The following SH3GLB2 variants were observed in gnomAD, a reference collection of about 807,000 sequenced individuals.
The protein encoded by SH3GLB2 is endophilin-B2.
Under a neutral mutation model 48.0 loss-of-function variants are expected in SH3GLB2, and 24 were observed. That is an observed-to-expected ratio of 0.50 (90% CI 0.36 to 0.70). The LOEUF (loss-of-function observed/expected upper bound fraction) is 0.70. SH3GLB2 is among the 30% of genes least tolerant of loss of function. SH3GLB2 has a pLI of 0.00. For synonymous variants in SH3GLB2, 227 were observed against 207.6 expected (o/e 1.09, Z -0.80); for missense variants, 425 against 516.0 (o/e 0.82, Z 1.71).
In SH3GLB2 at chr9:129,013,743, C is replaced by T; in HGVS notation, c.561+668G>A. ...GTTCCCTCTGCAAGGTATGAGGCAGCCTTTAGGCCTGGCAGCCCTGAGCAA... is the reference window on the plus strand; with the variant it reads ...GTTCCCTCTGCAAGGTATGAGGCAGTCTTTAGGCCTGGCAGCCCTGAGCAA... On this transcript the variant is annotated intron_variant, in intron 5 of 10. Transcript: ENST00000372564. 2 of 230,060 alleles carry T rather than the reference C, an allele frequency of 8.7e-6. 1 individual carries two copies. The highest frequency in any genetic ancestry group is 9.8e-5 in the South Asian group (2 of 20,382). 14.3% of individuals were successfully genotyped at this position (230,060 alleles called of 1,614,324 possible). A position where few individuals can be genotyped will look rare whatever the true frequency, so the allele number is the denominator to read the frequency against.
At position 129,008,119 on chromosome 9, in the gene SH3GLB2, G is replaced by A. The variant is rs1228903004; in HGVS notation, c.*565C>T. 1.3e-5 allele frequency: 2 copies of A among 156,808 alleles called. No individual in the cohort carries two copies. Among genetic ancestry groups the A allele is most frequent in the East Asian group, 3.8e-4 (2 of 5,272 alleles). 9.7% of individuals were successfully genotyped at this position (156,808 alleles called of 1,614,324 possible). A position where few individuals can be genotyped will look rare whatever the true frequency, so the allele number is the denominator to read the frequency against. On this transcript the variant is annotated 3_prime_UTR_variant, in exon 11 of 11. Transcript: ENST00000372564. The stretch of plus-strand genomic sequence containing the variant: ...CCAGATAAAAAGTGAGTGTGGAGAG[G>A]TGAAGACTGCGGCCGCTGGACTTGG...
intron 1 of SH3GLB2, among the ~76,000 whole-genome samples, chr9:129,025,297 T>G (rs1186324805): frequency 2.7e-5 from 4 of 147,620 alleles, no homozygotes; most frequent in Non-Finnish European, 5.9e-5. Context: ...GCATGGTGGC[T>G]CATACCTGTA....
rs755277535 is a variant in SH3GLB2, at chr9:129,014,889, T to A, written c.350A>T (p.Lys117Met). 1 of 1,613,926 alleles carries A rather than the reference T, an allele frequency of 6.2e-7. No individual in the cohort carries two copies. Among genetic ancestry groups the A allele is most frequent in the South Asian group, 1.1e-5 (1 of 91,066 alleles). Residue 117 changes from lysine (K) to methionine (M), a missense_variant, in exon 4 of 11, where the codon AAG (lysine) becomes ATG (methionine). Transcript: ENST00000372564. The surrounding 1 kb of genome is among the most constrained non-coding windows in gnomAD (Gnocchi z 4.1). ...CAGTTGCTTTTCAGCTTCTGCCACC[T>A]TGATCAGTGTCTTCCCTGAGAAAAC... ...PTTPYGKTLI[K>M]VAEAEKQLGA...
intron 3 of SH3GLB2, among the ~76,000 whole-genome samples, chr9:129,018,717 C>T (rs1226274058): frequency 6.6e-6 from 1 of 151,266 alleles, no homozygotes; most frequent in Non-Finnish European, 1.5e-5. Context: ...GATGGTGAAA[C>T]CTCATCTCTA....
Position 129,014,936 on chromosome 9 carries a change from A to C in SH3GLB2, c.335-32T>G. On this transcript the variant is annotated intron_variant, in intron 3 of 10. Transcript: ENST00000372564. The surrounding 1 kb of genome is among the most constrained non-coding windows in gnomAD (Gnocchi z 4.1). The stretch of plus-strand genomic sequence containing the variant: ...AAACAGAGTTGAAGCGTGAGGAAGA[A>C]GGTCAGGCTCAGGCTACTCTGATCT... 1 of 1,606,910 alleles carries C rather than the reference A, an allele frequency of 6.2e-7. No individual in the cohort carries two copies. Among genetic ancestry groups the C allele is most frequent in the Non-Finnish European group, 8.5e-7 (1 of 1,176,214 alleles).
chr9:129,018,294 T>C (rs1375592166), intron 3 of SH3GLB2, among the ~76,000 whole-genome samples: 1 of 152,144 alleles, frequency 6.6e-6, no homozygotes, highest in Non-Finnish European at 1.5e-5. Context: ...TTAAATTAAA[T>C]TGGCTGGGCG....
chr9:129,012,636 G>A (rs1843192032), intron 5 of SH3GLB2: 2 of 448,290 alleles, frequency 4.5e-6, no homozygotes, highest in South Asian at 4.9e-5. Context: ...CCAGACCAGT[G>A]GCACTCAGAT....
At position 129,010,135 on chromosome 9, in the gene SH3GLB2, T is replaced by A. The variant is rs16930816; in HGVS notation, c.723A>T (p.Gly241=). ...TGGGACTCACGTGAGTGCTACTGAT[T>A]CCCTCCAGCAAGAGACGGGTCACTT... ...QAEVTRLLLE[G]ISSTHVNHLR... is the part of the protein sequence containing the mutation. The change falls in exon 8 of 11, where the codon GGA becomes GGT. Residue 241 remains glycine (G), a synonymous_variant. Coordinates refer to ENST00000372564, the MANE Select transcript of SH3GLB2 (RefSeq NM_020145.4). 2,275 of 1,613,774 alleles carry A rather than the reference T, an allele frequency of 1.4e-3. 52 individuals are homozygous for A. The Admixed American group carries it at 0.036, about 26-fold the overall frequency.
rs1031433179 is a variant in SH3GLB2, at chr9:129,014,675, T to C, written c.468+96A>G. On this transcript the variant is annotated intron_variant, in intron 4 of 10. Transcript: ENST00000372564. This position sits in a 1 kb window ranked among gnomAD's most constrained non-coding sequence, Gnocchi z 4.1. The stretch of plus-strand genomic sequence containing the variant: ...CCTCTCTGGGGAGGCCTCAGGAGTT[T>C]TGTAGCCCCAGCACTGGAAGAGAGC... The C allele has an allele frequency of 6.5e-6, 10 of 1,546,724 alleles. No homozygotes were observed. The highest frequency in any genetic ancestry group is 3.9e-4 in the Middle Eastern group (2 of 5,148).
In SH3GLB2 at chr9:129,010,770, C is replaced by T. The variant is rs534722156; in HGVS notation, c.625-77G>A. On this transcript the variant is annotated intron_variant, in intron 6 of 10. Coordinates refer to ENST00000372564, the MANE Select transcript of SH3GLB2 (RefSeq NM_020145.4). ...CTGGACCCTAGAGCCTGTGCCCTGC[C>T]CCAGCTCCCAGACTCAACTTCTGCC... 1.0e-5 allele frequency: 16 copies of T among 1,569,158 alleles called. No homozygotes were observed. In the East Asian group the frequency reaches 1.6e-4, roughly 15 times the overall value.
At chr9:129,010,034 T>C in intron 8 of SH3GLB2, 86 bp downstream of exon 8, 3 of 1,460,078 alleles carry the variant, frequency 2.1e-6, no homozygotes, top group Non-Finnish European at 2.9e-6. Flanking sequence ...AGGGCCATTC[T>C]GGGGCAGCCC....
At chr9:129,019,640 C>T (rs1361825514) in intron 3 of SH3GLB2, among the ~76,000 whole-genome samples, 1 of 142,372 alleles carries the variant, frequency 7.0e-6, no homozygotes, top group Non-Finnish European at 1.5e-5. Flanking sequence ...ACCCAGGAGG[C>T]AGAGGTTGCA....
At position 129,020,324 on chromosome 9, in the gene SH3GLB2, T is replaced by C. The variant is rs1156739399; in HGVS notation, c.334+767A>G. On this transcript the variant is annotated intron_variant, in intron 3 of 10. Coordinates refer to ENST00000372564, the MANE Select transcript of SH3GLB2 (RefSeq NM_020145.4). ...TGGCTCACACCTGTAATCCCAGCACTTTGGGAGGCTGAGGCAGGCGGATCA... is the reference window on the plus strand; with the variant it reads ...TGGCTCACACCTGTAATCCCAGCACCTTGGGAGGCTGAGGCAGGCGGATCA... 2.0e-5 allele frequency among the ~76,000 whole-genome samples: 3 copies of C among 149,572 alleles called. No homozygotes were observed. In the Admixed American group the frequency reaches 2.0e-4, roughly 10 times the overall value.
Position 129,014,037 on chromosome 9 carries a change from G to A in SH3GLB2, c.561+374C>T, listed in dbSNP as rs561740901. The A allele has an allele frequency of 4.2e-4, 203 of 488,228 alleles. No individual in the cohort carries two copies. Among genetic ancestry groups the A allele is most frequent in the Non-Finnish European group, 6.0e-4 (148 of 248,412 alleles). 30.2% of individuals were successfully genotyped at this position (488,228 alleles called of 1,614,324 possible). A position where few individuals can be genotyped will look rare whatever the true frequency, so the allele number is the denominator to read the frequency against. Reference sequence around the variant, plus strand: ...TGAGCACAGGGACCCTCGGCCTGACGTTCAAGCAGCAAGTAGTAGAGTTAG... The same window carrying A: ...TGAGCACAGGGACCCTCGGCCTGACATTCAAGCAGCAAGTAGTAGAGTTAG... On this transcript the variant is annotated intron_variant, in intron 5 of 10. Coordinates refer to ENST00000372564, the MANE Select transcript of SH3GLB2 (RefSeq NM_020145.4). The surrounding 1 kb of genome is among the most constrained non-coding windows in gnomAD (Gnocchi z 4.1).
At position 129,014,590 on chromosome 9, in the gene SH3GLB2, ATCAAG is replaced by A. The variant is rs1302153421; in HGVS notation, c.469-92_469-88del. On this transcript the variant is annotated intron_variant, in intron 4 of 10. Coordinates refer to ENST00000372564, the MANE Select transcript of SH3GLB2 (RefSeq NM_020145.4). This position sits in a 1 kb window ranked among gnomAD's most constrained non-coding sequence, Gnocchi z 4.1. Reference sequence around the variant, plus strand: ...CATGGCAAGATTGGTGCCGGGGACGATCAAGTCAAGATAGGGAAACTGAGGCCCAG... The same window carrying A: ...CATGGCAAGATTGGTGCCGGGGACGATCAAGATAGGGAAACTGAGGCCCAG... 18 of 1,504,130 alleles carry A rather than the reference ATCAAG, an allele frequency of 1.2e-5. No homozygotes were observed. The highest frequency in any genetic ancestry group is 1.5e-5 in the Non-Finnish European group (17 of 1,100,684). The allele number at this position is 1,504,130 out of a possible 1,614,324, so 93.2% of individuals were successfully genotyped here.
chr9:129,017,301 A>G (rs1034780198), intron 3 of SH3GLB2, among the ~76,000 whole-genome samples: 24 of 152,060 alleles, frequency 1.6e-4, no homozygotes, highest in Non-Finnish European at 2.9e-4. Context: ...CAGCAAGGAC[A>G]TACAAGCCTT....
In SH3GLB2 at chr9:129,028,095, C is replaced by G; in HGVS notation, c.60G>C (p.Val20=). ...SDAGIFFTRA[V]QFTEEKFGQA... is the part of the protein sequence containing the mutation. ...ACGGCGCGACGCCAGGCCTCACCTG[C>G]ACCGCCCGGGTGAAGAAGATGCCCG... is the stretch of plus-strand genomic sequence containing the variant. Residue 20 remains valine, a synonymous_variant, in exon 1 of 11, where the codon GTG becomes GTC. Transcript: ENST00000372564. 6.7e-7 allele frequency: 1 copy of G among 1,503,222 alleles called. No homozygotes were observed. Among genetic ancestry groups the G allele is most frequent in the South Asian group, 1.2e-5 (1 of 80,288 alleles). 93.1% of individuals were successfully genotyped at this position (1,503,222 alleles called of 1,614,324 possible). A position where few individuals can be genotyped will look rare whatever the true frequency, so the allele number is the denominator to read the frequency against.
chr9:129,014,347 C>T lies in SH3GLB2; in HGVS notation c.561+64G>A, dbSNP rs764161578. Reference sequence around the variant, plus strand: ...ATGCCAAATACCAGGTCCCTTCATGCCACCACCCCTTGGCTCCAGCCAGAG... The same window carrying T: ...ATGCCAAATACCAGGTCCCTTCATGTCACCACCCCTTGGCTCCAGCCAGAG... On this transcript the variant is annotated intron_variant, in intron 5 of 10. Coordinates refer to ENST00000372564, the MANE Select transcript of SH3GLB2 (RefSeq NM_020145.4). This position sits in a 1 kb window ranked among gnomAD's most constrained non-coding sequence, Gnocchi z 4.1. The T allele has an allele frequency of 7.5e-6, 11 of 1,460,154 alleles. No homozygotes were observed. The African/African-American group carries it at 8.4e-5, about 11-fold the overall frequency. The allele number at this position is 1,460,154 out of a possible 1,614,324, so 90.4% of individuals were successfully genotyped here.
intron 3 of SH3GLB2, among the ~76,000 whole-genome samples, chr9:129,018,627 G>GCACA (rs1843593302): frequency 7.1e-6 from 1 of 141,262 alleles, no homozygotes; most frequent in Admixed American, 7.3e-5. Context: ...AGGCACAGTG[G>GCACA]CTATGCCTGT....
Sources: gnomAD v4.1 joint callset for allele counts (sites outside exome capture counted in the v4.1 genomes callset) on GRCh38, gnomAD v4.1.1 for gene constraint, Gnocchi (gnomAD v3.1) non-coding constraint, MANE v1.5 for transcripts, NCBI Gene and HGNC (gene_info 2026-07-23, HGNC 2026-07-21) for gene names.